Variants in HTR2C observed in about 807,000 individuals in gnomAD.
HTR2C encodes the protein 5-hydroxytryptamine receptor 2C.
In HTR2C, 5 loss-of-function variants were observed where a neutral mutation model predicts 21.0. The observed-to-expected ratio is 0.24, with a 90% confidence interval of 0.12 to 0.50. The LOEUF (loss-of-function observed/expected upper bound fraction) is 0.50. HTR2C is among the 20% of genes least tolerant of loss of function. HTR2C has a pLI of 0.98. For missense variants in HTR2C, 271 were observed against 371.2 expected (o/e 0.73, Z 2.22); for synonymous variants, 150 against 145.3 (o/e 1.03, Z -0.23).
In HTR2C at chrX:114,604,549, G is replaced by A. The variant is rs1462973856; in HGVS notation, c.-146-9266G>A. On this transcript the variant is annotated intron_variant, in intron 1 of 5. Transcript: ENST00000276198. ...GGTCTAGGGGGCTTCCGAGGCGATCGGGCAGTGTCAGTCTTCAGCCGCTAA... is the reference window on the plus strand; with the variant it reads ...GGTCTAGGGGGCTTCCGAGGCGATCAGGCAGTGTCAGTCTTCAGCCGCTAA... 2.7e-5 allele frequency among the ~76,000 whole-genome samples: 3 copies of A among 110,046 alleles called. No homozygotes were observed. The Admixed American group carries it at 2.9e-4, about 11-fold the overall frequency.
intron 2 of HTR2C, among the ~76,000 whole-genome samples, chrX:114,638,901 A>G (rs1274000238): frequency 9.2e-6 from 1 of 109,283 alleles, no homozygotes; most frequent in Admixed American, 9.9e-5. Context: ...TATATGTGCC[A>G]CATTTTCTTA....
intron 5 of HTR2C, among the ~76,000 whole-genome samples, chrX:114,903,151 T>A (rs1403567045): frequency 8.9e-6 from 1 of 111,771 alleles, no homozygotes; most frequent in East Asian, 2.8e-4. Context: ...TATTTTTTTT[T>A]AAAGTATTGA....
chrX:114,744,251 G>A (rs190425730), intron 4 of HTR2C, among the ~76,000 whole-genome samples: 3 of 109,343 alleles, frequency 2.7e-5, no homozygotes, highest in Non-Finnish European at 1.9e-5. Context: ...CTTAGAGGAA[G>A]ATTTATGGCA....
intron 4 of HTR2C, among the ~76,000 whole-genome samples, chrX:114,769,184 C>G (rs782013996): frequency 1.8e-5 from 2 of 111,522 alleles, no homozygotes; most frequent in Admixed American, 1.9e-4. Context: ...ATGACTACTA[C>G]AGCAAAGCTG....
chrX:114,855,746 CTTTTTTTTTTTTTTTTTT>C (rs782183285), intron 5 of HTR2C, among the ~76,000 whole-genome samples: 10 of 17,915 alleles, frequency 5.6e-4, no homozygotes, highest in South Asian at 8.5e-3. Flanking sequence ...AAGCAACCAT[CTTTTTTTTTTTTTTTTTT>C]TTTTTTTTTT....
intron 2 of HTR2C, among the ~76,000 whole-genome samples, chrX:114,689,401 G>A (rs1428351597): frequency 1.8e-5 from 2 of 109,211 alleles, no homozygotes; most frequent in African/African-American, 6.7e-5. Context: ...TCAAATAGTA[G>A]TTCTACTTTC....
intron 2 of HTR2C, among the ~76,000 whole-genome samples, chrX:114,690,077 G>A (rs1192801970): frequency 3.6e-5 from 4 of 111,609 alleles, no homozygotes; most frequent in African/African-American, 9.8e-5. Flanking sequence ...CATCTGTCAC[G>A]TCTATCACTA....
At chrX:114,892,834 A>T (rs931803658) in intron 5 of HTR2C, among the ~76,000 whole-genome samples, 6 of 110,348 alleles carry the variant, frequency 5.4e-5, no homozygotes, top group African/African-American at 2.0e-4. Flanking sequence ...TAATCTATAG[A>T]TTCATATTAA....
At chrX:114,784,734 C>T (rs2070157342) in intron 4 of HTR2C, among the ~76,000 whole-genome samples, 1 of 109,537 alleles carries the variant, frequency 9.1e-6, no homozygotes, top group Admixed American at 9.8e-5. Flanking sequence ...ATTCTCCTAC[C>T]TCAGCCTCCC....
intron 2 of HTR2C, among the ~76,000 whole-genome samples, chrX:114,645,288 T>G (rs1198320378): frequency 1.8e-5 from 2 of 110,674 alleles, no homozygotes; most frequent in African/African-American, 6.6e-5. Context: ...AAAATTGCTA[T>G]ATTAAGGCTC....
chrX:114,643,882 C>T (rs901722355), intron 2 of HTR2C, among the ~76,000 whole-genome samples: 4 of 111,453 alleles, frequency 3.6e-5, no homozygotes, highest in African/African-American at 6.5e-5. Context: ...AGTTCTTCAG[C>T]CAGTGTTTTT....
At chrX:114,765,010 CTCTT>C (rs782690284) in intron 4 of HTR2C, among the ~76,000 whole-genome samples, 24 of 103,524 alleles carry the variant, frequency 2.3e-4, no homozygotes, top group Non-Finnish European at 3.5e-4. Flanking sequence ...CCTTCTCTCT[CTCTT>C]TCTTTCTTTC....
chrX:114,768,138 G>A (rs1556435867), intron 4 of HTR2C, among the ~76,000 whole-genome samples: 3 of 110,817 alleles, frequency 2.7e-5, no homozygotes, highest in African/African-American at 9.8e-5. Flanking sequence ...TTTTAACTAA[G>A]TCTTTTTGAT....
In HTR2C at chrX:114,723,191, G is replaced by A. The variant is rs1184668450; in HGVS notation, c.-79-3667G>A. 5.4e-4 allele frequency among the ~76,000 whole-genome samples: 60 copies of A among 111,521 alleles called. 1 individual carries two copies. Among genetic ancestry groups the A allele is most frequent in the Middle Eastern group, 9.2e-3 (2 of 217 alleles). ...GCTATTGATTATTGCCACAATTTCA[G>A]AGGCTGTTATTGGTCTATTCAGAGA... On this transcript the variant is annotated intron_variant, in intron 2 of 5. Transcript: ENST00000276198.
At chrX:114,698,935 G>C (rs781860482) in intron 2 of HTR2C, among the ~76,000 whole-genome samples, 3 of 111,502 alleles carry the variant, frequency 2.7e-5, no homozygotes, top group Non-Finnish European at 5.6e-5. Context: ...ATGTTCACCA[G>C]TATAAATGAT....
chrX:114,666,192 A>T (rs782680759), intron 2 of HTR2C, among the ~76,000 whole-genome samples: 2 of 111,968 alleles, frequency 1.8e-5, no homozygotes, highest in African/African-American at 6.5e-5. Flanking sequence ...GCTGCTAAAA[A>T]GATTGCAAAC....
At chrX:114,839,123 T>C (rs1237546329) in intron 4 of HTR2C, among the ~76,000 whole-genome samples, 1 of 112,193 alleles carries the variant, frequency 8.9e-6, no homozygotes, top group Non-Finnish European at 1.9e-5. Flanking sequence ...CTGGTTGAAT[T>C]CTAATAATTG....
intron 5 of HTR2C, among the ~76,000 whole-genome samples, chrX:114,886,789 T>C (rs1556481634): frequency 9.0e-6 from 1 of 111,535 alleles, no homozygotes; most frequent in Non-Finnish European, 1.9e-5. Context: ...TATTTATGTC[T>C]TTTGTTATAT....
chrX:114,790,357 TATA>T (rs1266390183), intron 4 of HTR2C, among the ~76,000 whole-genome samples: 1 of 112,029 alleles, frequency 8.9e-6, no homozygotes, highest in Non-Finnish European at 1.9e-5. Flanking sequence ...TTATTGCATT[TATA>T]ATGAGTTTTA....
Sources: allele counts gnomAD v4.1 joint callset (sites outside exome capture counted in the v4.1 genomes callset), GRCh38; gene constraint gnomAD v4.1.1; transcripts MANE v1.5; gene names NCBI Gene and HGNC (gene_info 2026-07-23, HGNC 2026-07-21).